The following MYO1D variants were observed in gnomAD, a reference collection of about 807,000 sequenced individuals.
The protein encoded by MYO1D is unconventional myosin-Id.
A neutral mutation model predicts 122.0 loss-of-function variants in MYO1D; 83 were observed. The observed-to-expected ratio is 0.68, with a 90% CI of 0.57 to 0.82. The LOEUF is 0.82. Ranked by LOEUF, MYO1D falls within the 40% of genes least tolerant of loss-of-function variation. The pLI, the probability that MYO1D is intolerant of heterozygous loss-of-function variation, is 0.00. For missense variants in MYO1D, 1,157 were observed against 1,269.5 expected (o/e 0.91, Z 1.35); for synonymous variants, 464 against 446.9 (o/e 1.04, Z -0.48).
chr17:32,786,557 C>T (rs901128202), intron 1 of MYO1D, among the ~76,000 whole-genome samples: 9 of 152,362 alleles, frequency 5.9e-5, no homozygotes, highest in East Asian at 5.8e-4. Flanking sequence ...CACTGGCTCA[C>T]GCCTGGAACC....
At chr17:32,661,122 AT>A (rs1427879362) in intron 16 of MYO1D, among the ~76,000 whole-genome samples, 2 of 152,202 alleles carry the variant, frequency 1.3e-5, no homozygotes, top group Admixed American at 6.5e-5. Context: ...TTAAGCAGTA[AT>A]TTATTTCTTT....
At chr17:32,749,980 A>C (rs759801750) in intron 11 of MYO1D, among the ~76,000 whole-genome samples, 2 of 152,326 alleles carry the variant, frequency 1.3e-5, no homozygotes, top group African/African-American at 2.4e-5. Flanking sequence ...AATTGGCCCA[A>C]GATCACATAG....
chr17:32,652,555 G>C (rs1479201483), intron 19 of MYO1D, among the ~76,000 whole-genome samples: 2 of 151,688 alleles, frequency 1.3e-5, no homozygotes, highest in Non-Finnish European at 1.5e-5. Flanking sequence ...AATGTATTTG[G>C]ATAATTCTAC....
At chr17:32,770,593 G>C (rs1329459285) in intron 6 of MYO1D, among the ~76,000 whole-genome samples, 1 of 152,142 alleles carries the variant, frequency 6.6e-6, no homozygotes, top group Admixed American at 6.5e-5. Context: ...ACGCCTGCAT[G>C]TAAGTGTATG....
chr17:32,687,299 C>G (rs1451756224), intron 16 of MYO1D, among the ~76,000 whole-genome samples: 1 of 151,802 alleles, frequency 6.6e-6, no homozygotes. Flanking sequence ...TGGGTTCACG[C>G]CATTCTCCTG....
At chr17:32,532,808 A>G (rs766861927) in intron 21 of MYO1D, among the ~76,000 whole-genome samples, 13 of 151,260 alleles carry the variant, frequency 8.6e-5, no homozygotes, top group Non-Finnish European at 1.6e-4. Context: ...CTCCACTCCC[A>G]TTGTTTGGTG....
intron 21 of MYO1D, among the ~76,000 whole-genome samples, chr17:32,554,989 G>T (rs1025919760): frequency 1.3e-5 from 2 of 152,032 alleles, no homozygotes; most frequent in African/African-American, 2.4e-5. Context: ...AAAAATGTAC[G>T]AAAAGCCTTA....
chr17:32,789,304 T>C (rs1003192126), intron 1 of MYO1D, among the ~76,000 whole-genome samples: 8 of 152,196 alleles, frequency 5.3e-5, no homozygotes, highest in African/African-American at 1.9e-4. Flanking sequence ...TAGTACTATG[T>C]TGAATAGAAG....
intron 21 of MYO1D, among the ~76,000 whole-genome samples, chr17:32,569,762 C>T (rs758333189): frequency 5.9e-5 from 9 of 152,160 alleles, no homozygotes; most frequent in South Asian, 2.1e-4. Flanking sequence ...CATCCTGCTC[C>T]GAGAGCTTTT....
intron 11 of MYO1D, among the ~76,000 whole-genome samples, chr17:32,751,033 G>A (rs1305115181): frequency 1.3e-5 from 2 of 152,116 alleles, no homozygotes; most frequent in Non-Finnish European, 2.9e-5. Flanking sequence ...ATACTGCAAA[G>A]TTGCAACTGA....
intron 17 of MYO1D, among the ~76,000 whole-genome samples, chr17:32,657,315 G>T (rs2088491366): frequency 6.6e-6 from 1 of 152,218 alleles, no homozygotes; most frequent in Non-Finnish European, 1.5e-5. Context: ...TCCTGATAGT[G>T]CCTAGATCAG....
At position 32,828,344 on chromosome 17, in the gene MYO1D, G is replaced by A. The variant is rs969525723; in HGVS notation, c.96-47560C>T. Among the ~76,000 whole-genome samples the A allele has an allele frequency of 5.3e-5, 8 of 151,776 alleles. 1 individual carries two copies. Among genetic ancestry groups the A allele is most frequent in the East Asian group, 1.9e-4 (1 of 5,180 alleles). ...ATCCTGGCTAACACGGTGAAACCCCGTCTCTACTAAAAATACAAAAAATTA... is the reference window on the plus strand; with the variant it reads ...ATCCTGGCTAACACGGTGAAACCCCATCTCTACTAAAAATACAAAAAATTA... On this transcript the variant is annotated intron_variant, in intron 1 of 21. Coordinates refer to ENST00000318217, the MANE Select transcript of MYO1D (RefSeq NM_015194.3).
chr17:32,532,641 G>T (rs976532274), intron 21 of MYO1D, among the ~76,000 whole-genome samples: 2 of 151,654 alleles, frequency 1.3e-5, no homozygotes, highest in African/African-American at 4.9e-5. Flanking sequence ...CAGGAGAATG[G>T]CGTGAACCTG....
intron 16 of MYO1D, among the ~76,000 whole-genome samples, chr17:32,709,438 C>T (rs530202301): frequency 3.7e-4 from 56 of 152,164 alleles, no homozygotes; most frequent in African/African-American, 1.3e-3. Flanking sequence ...ACTTGAGATC[C>T]AAGGGTAAGG....
chr17:32,671,555 C>G (rs1166136280), intron 16 of MYO1D, among the ~76,000 whole-genome samples: 2 of 152,162 alleles, frequency 1.3e-5, no homozygotes, highest in Non-Finnish European at 2.9e-5. Flanking sequence ...TAGTGGAGAA[C>G]AACTGCACAA....
chr17:32,683,507 C>T (rs2088954577), intron 16 of MYO1D, among the ~76,000 whole-genome samples: 1 of 152,004 alleles, frequency 6.6e-6, no homozygotes, highest in South Asian at 2.1e-4. Flanking sequence ...GAATACCCTG[C>T]CGTGTGAGGT....
intron 1 of MYO1D, among the ~76,000 whole-genome samples, chr17:32,858,015 T>C (rs1416633875): frequency 6.6e-6 from 1 of 152,234 alleles, no homozygotes; most frequent in African/African-American, 2.4e-5. Flanking sequence ...AATTGTTAAT[T>C]TGTAATAACT....
At chr17:32,863,388 C>T (rs898475203) in intron 1 of MYO1D, among the ~76,000 whole-genome samples, 1 of 152,180 alleles carries the variant, frequency 6.6e-6, no homozygotes, top group Non-Finnish European at 1.5e-5. Context: ...GACTGATATA[C>T]CCAAGGTAAC....
At chr17:32,540,418 T>G (rs1038889193) in intron 21 of MYO1D, among the ~76,000 whole-genome samples, 1 of 151,356 alleles carries the variant, frequency 6.6e-6, no homozygotes, top group African/African-American at 2.4e-5. Context: ...GGAACTTGTA[T>G]CTAGACTACA....
Sources: gnomAD v4.1 joint callset for allele counts (sites outside exome capture counted in the v4.1 genomes callset) on GRCh38, gnomAD v4.1.1 for gene constraint, MANE v1.5 for transcripts, NCBI Gene and HGNC (gene_info 2026-07-23, HGNC 2026-07-21) for gene names.